ABCC5: variants seen among roughly 807,000 people sequenced by gnomAD.
ABCC5 encodes the protein ATP-binding cassette sub-family C member 5.
Under a neutral mutation model 160.9 loss-of-function variants are expected in ABCC5, and 61 were observed. The observed-to-expected ratio is 0.38, with a 90% confidence interval of 0.31 to 0.47. The LOEUF (loss-of-function observed/expected upper bound fraction) is 0.47, where lower values mean the gene tolerates loss of function less well. ABCC5 is among the 20% of genes least tolerant of loss of function. ABCC5 has a pLI of 0.99. For synonymous variants in ABCC5, 666 were observed against 700.6 expected, an observed-to-expected ratio of 0.95 and a Z score of 0.78; for missense variants, 1,308 against 1,813.3, an observed-to-expected ratio of 0.72 and a Z score of 5.06.
intron 11 of ABCC5, among the ~76,000 whole-genome samples, chr3:183,969,220 G>A (rs149370792): frequency 6.6e-6 from 1 of 152,246 alleles, no homozygotes; most frequent in East Asian, 1.9e-4. Context: ...TCTTCAAATG[G>A]CTAAAGGTCT....
chr3:183,986,254 G>A (rs1719208739), intron 5 of ABCC5: 1 of 152,188 alleles, frequency 6.6e-6, no homozygotes. Flanking sequence ...GATTATGGAT[G>A]AGTCCATTAC....
At chr3:183,923,545 C>T (rs1235857826) in intron 29 of ABCC5, among the ~76,000 whole-genome samples, 1 of 152,172 alleles carries the variant, frequency 6.6e-6, no homozygotes, top group Non-Finnish European at 1.5e-5. Flanking sequence ...ATCGCTTGAA[C>T]CCCGGAGGCG....
In ABCC5 at chr3:183,987,723, C is replaced by T. The variant is rs755081979; in HGVS notation, c.591+47G>A. On this transcript the variant is annotated intron_variant, in intron 5 of 29. Transcript: ENST00000334444. The surrounding 1 kb of genome is among the most constrained non-coding windows in gnomAD (Gnocchi z 4.2). ...ACAGAATAAGAGTGTTAGAGCTGGC[C>T]GTGGCCGGGCCCCTGGAGACTGTCG... The T allele has an allele frequency of 2.9e-5, 46 of 1,613,066 alleles. No homozygotes were observed. Among genetic ancestry groups the T allele is most frequent in the Admixed American group, 6.7e-5 (4 of 59,910 alleles).
intron 24 of ABCC5, among the ~76,000 whole-genome samples, chr3:183,945,426 C>T (rs1714747349): frequency 6.6e-6 from 1 of 152,126 alleles, no homozygotes; most frequent in African/African-American, 2.4e-5. Flanking sequence ...GGGTCCCACC[C>T]CAATCCACTG....
rs1459206697 is a variant in ABCC5, at chr3:183,961,651, G to C, written c.2239C>G (p.Leu747Val). The C allele has an allele frequency of 6.2e-7, 1 of 1,614,126 alleles. No homozygotes were observed. Among genetic ancestry groups the C allele is most frequent in the South Asian group, 1.1e-5 (1 of 91,070 alleles). The stretch of plus-strand genomic sequence containing the variant: ...AAGATCACTTCATCACAGTCAACCA[G>C]GTACTGAAGGCAAAGGCAGAGACAA... ...VLFVTHQLQY[L>V]VDCDEVIFMK... The change falls in exon 16 of 30, where the codon CTG becomes GTG. Residue 747 changes from leucine (L) to valine (V), a missense_variant. Coordinates refer to ENST00000334444, the MANE Select transcript of ABCC5 (RefSeq NM_005688.4).
At chr3:183,934,871 T>C (rs1360511047) in intron 26 of ABCC5, among the ~76,000 whole-genome samples, 1 of 151,790 alleles carries the variant, frequency 6.6e-6, no homozygotes, top group Non-Finnish European at 1.5e-5. Flanking sequence ...CAAACCCAAA[T>C]GAAATGCTAT....
At chr3:183,991,032 T>C (rs1314163262) in intron 2 of ABCC5, among the ~76,000 whole-genome samples, 1 of 152,144 alleles carries the variant, frequency 6.6e-6, no homozygotes, top group Non-Finnish European at 1.5e-5. Flanking sequence ...CAGCTGGGCA[T>C]GGTGGCTCGC....
chr3:183,978,000 G>A (rs564072294), intron 9 of ABCC5, among the ~76,000 whole-genome samples: 15 of 152,204 alleles, frequency 9.9e-5, no homozygotes, highest in Admixed American at 5.2e-4. Context: ...TGATCCGCCC[G>A]CCTCGGCCTC....
chr3:183,927,415 G>A lies in ABCC5; in HGVS notation c.3962C>T (p.Ser1321Phe), dbSNP rs749722778. The change falls in exon 28 of 30, where the codon TCT becomes TTT. Residue 1321 changes from serine (S) to phenylalanine (F), a missense_variant. Ser to Phe is a radical substitution (Grantham distance 155). Transcript: ENST00000334444. Reference sequence around the variant, plus strand: ...GTTATCCCCATTCTCCATCACTTCAGATTCAAGTTTCAGAGGTAGCTGAGC... The same window carrying A: ...GTTATCCCCATTCTCCATCACTTCAAATTCAAGTTTCAGAGGTAGCTGAGC... The part of the protein sequence containing the change: ...CIAQLPLKLE[S>F]EVMENGDNFS... 1.7e-5 allele frequency: 27 copies of A among 1,613,512 alleles called. No individual in the cohort carries two copies. Among genetic ancestry groups the A allele is most frequent in the Non-Finnish European group, 2.1e-5 (25 of 1,179,758 alleles).
Position 183,921,779 on chromosome 3 carries a change from C to G in ABCC5, c.4213-378G>C, listed in dbSNP as rs1247918637. ...GGCTGGTGGCTCACGCCTGTAATCT[C>G]AACACTTTGGGAGGCTGAGGTGGGC... On this transcript the variant is annotated intron_variant, in intron 29 of 29. Coordinates refer to ENST00000334444, the MANE Select transcript of ABCC5 (RefSeq NM_005688.4). The surrounding 1 kb of genome is among the most constrained non-coding windows in gnomAD (Gnocchi z 4.1). Among the ~76,000 whole-genome samples, 1 of 152,152 alleles carries G rather than the reference C, an allele frequency of 6.6e-6. No homozygotes were observed. The highest frequency in any genetic ancestry group is 2.4e-5 in the African/African-American group (1 of 41,436).
At chr3:183,941,258 A>G (rs1241159958) in intron 25 of ABCC5, among the ~76,000 whole-genome samples, 1 of 152,202 alleles carries the variant, frequency 6.6e-6, no homozygotes, top group Non-Finnish European at 1.5e-5. Context: ...AAGGGAAATC[A>G]TAACAAAGGA....
intron 16 of ABCC5, among the ~76,000 whole-genome samples, chr3:183,960,699 G>C (rs924280627): frequency 1.3e-5 from 2 of 152,128 alleles, no homozygotes; most frequent in African/African-American, 4.8e-5. Flanking sequence ...GCCTATAACA[G>C]GGCACACAGG....
In ABCC5 at chr3:183,982,387, C is replaced by T; in HGVS notation, c.999+64G>A. The T allele has an allele frequency of 1.3e-6, 2 of 1,552,530 alleles. No individual in the cohort carries two copies. Among genetic ancestry groups the T allele is most frequent in the Non-Finnish European group, 8.7e-7 (1 of 1,144,996 alleles). On this transcript the variant is annotated intron_variant, in intron 7 of 29. Coordinates refer to ENST00000334444, the MANE Select transcript of ABCC5 (RefSeq NM_005688.4). The surrounding 1 kb of genome is among the most constrained non-coding windows in gnomAD (Gnocchi z 5.2). ...GAGACCTCAGCAATGCCTACTATAACCCAATGGAAGTAACTCATCTCCTAA... is the reference window on the plus strand; with the variant it reads ...GAGACCTCAGCAATGCCTACTATAATCCAATGGAAGTAACTCATCTCCTAA...
chr3:183,944,837 AC>A (rs1251855049), intron 24 of ABCC5, among the ~76,000 whole-genome samples: 4 of 152,076 alleles, frequency 2.6e-5, no homozygotes, highest in Non-Finnish European at 5.9e-5. Flanking sequence ...ATGATTGGAC[AC>A]CCCTTGATGT....
chr3:183,999,852 T>A (rs1720601457), intron 2 of ABCC5, among the ~76,000 whole-genome samples: 1 of 152,008 alleles, frequency 6.6e-6, no homozygotes, highest in Admixed American at 6.6e-5. Flanking sequence ...TTTCATATCA[T>A]ACATTAATCC....
chr3:184,000,499 A>G (rs1430037348), intron 2 of ABCC5, among the ~76,000 whole-genome samples: 1 of 152,218 alleles, frequency 6.6e-6, no homozygotes, highest in Non-Finnish European at 1.5e-5. Flanking sequence ...TGTGCCAGGC[A>G]CTGTTCTAGA....
At chr3:183,980,714 GTTTTT>G (rs11364435) in intron 8 of ABCC5, among the ~76,000 whole-genome samples, 17 of 136,086 alleles carry the variant, frequency 1.2e-4, no homozygotes, top group African/African-American at 4.7e-4. Flanking sequence ...ACACTGTTTT[GTTTTT>G]TTTTTTTTTT....
At chr3:183,981,706 A>G (rs374265241) in intron 8 of ABCC5, 21 bp downstream of exon 8, 3 of 1,607,518 alleles carry the variant, frequency 1.9e-6, no homozygotes, top group African/African-American at 2.7e-5. Context: ...CCACATGCAC[A>G]TACAAAATCT....
chr3:183,971,732 C>T lies in ABCC5; in HGVS notation c.1592G>A (p.Arg531Lys), dbSNP rs770553365. The T allele has an allele frequency of 6.2e-7, 1 of 1,614,226 alleles. No individual in the cohort carries two copies. Residue 531 changes from arginine (R) to lysine (K), a missense_variant, in exon 11 of 30, where the codon AGG becomes AAG. Physicochemically the swap from Arg to Lys is conservative, Grantham distance 26. Transcript: ENST00000334444. Reference protein sequence around the residue: ...RASRGKKEKVRQLQRTEHQAV... With the variant: ...RASRGKKEKVKQLQRTEHQAV... ...CTGATGCTCAGTGCGCTGCAGCTGC[C>T]TCACCTTCTCTTTCTTGCCCCTGGA...
Sources: allele counts gnomAD v4.1 joint callset (sites outside exome capture counted in the v4.1 genomes callset), GRCh38; gene constraint gnomAD v4.1.1; non-coding constraint Gnocchi (gnomAD v3.1); transcripts MANE v1.5; gene names NCBI Gene and HGNC (gene_info 2026-07-23, HGNC 2026-07-21).